STAG1: variants seen among roughly 807,000 people sequenced by gnomAD.
The protein encoded by STAG1 is cohesin subunit SA-1.
Under a neutral mutation model 170.9 loss-of-function variants are expected in STAG1, and 26 were observed. The ratio of observed to expected loss-of-function variants is 0.15; its 90% CI spans 0.11 to 0.21. The LOEUF (loss-of-function observed/expected upper bound fraction) is 0.21. Ranked by LOEUF, STAG1 falls within the 10% of genes least tolerant of loss-of-function variation. STAG1 has a pLI of 1.00. For missense variants in STAG1, 964 were observed against 1,509.5 expected, an observed-to-expected ratio of 0.64 and a Z score of 5.99; for synonymous variants, 514 against 497.7, an observed-to-expected ratio of 1.03 and a Z score of -0.44.
At chr3:136,486,344 A>C (rs1475712661) in intron 9 of STAG1, among the ~76,000 whole-genome samples, 1 of 152,216 alleles carries the variant, frequency 6.6e-6, no homozygotes, top group African/African-American at 2.4e-5. Context: ...ACTATTTAAA[A>C]TTTCCATCTC....
At chr3:136,343,713 G>A (rs986557934) in intron 30 of STAG1, 119 bp downstream of exon 30, 42 of 676,714 alleles carry the variant, frequency 6.2e-5, no homozygotes, top group Non-Finnish European at 7.6e-5. Flanking sequence ...TTTACCCTCC[G>A]TTTGTGGCTT....
chr3:136,388,949 C>CT (rs2086935865), intron 22 of STAG1, among the ~76,000 whole-genome samples: 1 of 152,032 alleles, frequency 6.6e-6, no homozygotes, highest in African/African-American at 2.4e-5. Context: ...TCTAAATATT[C>CT]TTTTTTTATA....
chr3:136,536,380 A>C (rs1935625628), intron 6 of STAG1, among the ~76,000 whole-genome samples: 1 of 152,158 alleles, frequency 6.6e-6, no homozygotes, highest in African/African-American at 2.4e-5. Flanking sequence ...TTACTGAGTA[A>C]TCTTTTCCCA....
intron 6 of STAG1, among the ~76,000 whole-genome samples, chr3:136,529,994 C>T (rs900277970): frequency 6.6e-6 from 1 of 152,100 alleles, no homozygotes; most frequent in East Asian, 1.9e-4. Context: ...ACAAGTAATG[C>T]ACTTTACCTG....
intron 1 of STAG1, among the ~76,000 whole-genome samples, chr3:136,647,922 A>G (rs1376326148): frequency 3.3e-5 from 5 of 152,256 alleles, no homozygotes; most frequent in Non-Finnish European, 7.3e-5. Context: ...AAAGTATTGT[A>G]TGATATTAAG....
Position 136,369,124 on chromosome 3 carries a change from C to T in STAG1, c.2529G>A (p.Glu843=), listed in dbSNP as rs1439784150. The T allele has an allele frequency of 2.6e-6, 4 of 1,554,146 alleles. No homozygotes were observed. The highest frequency in any genetic ancestry group is 3.5e-6 in the Non-Finnish European group (4 of 1,155,640). ...VMDHVFIDQD[E]ENQSMEGDEE... ...TACAAGTACCCATGCTCTGGTTCTCCTCGTCTTGGTCAATAAAAACGTGAT... is the reference window on the plus strand; with the variant it reads ...TACAAGTACCCATGCTCTGGTTCTCTTCGTCTTGGTCAATAAAAACGTGAT... The change falls in exon 24 of 34, where the codon GAG becomes GAA. Residue 843 remains glutamate (E), a synonymous_variant. Coordinates refer to ENST00000383202, the MANE Select transcript of STAG1 (RefSeq NM_005862.3).
At chr3:136,736,798 C>G in intron 1 of STAG1, 1 of 1,588,964 alleles carries the variant, frequency 6.3e-7, no homozygotes, top group East Asian at 2.2e-5. Flanking sequence ...CAGGATCATC[C>G]TCCTCTACAA....
chr3:136,523,077 G>T (rs1046388958), intron 6 of STAG1, among the ~76,000 whole-genome samples: 5 of 152,112 alleles, frequency 3.3e-5, no homozygotes, highest in African/African-American at 1.2e-4. Context: ...CCTTTGGATA[G>T]ATACCCAGTA....
At chr3:136,527,742 T>C (rs1310083340) in intron 6 of STAG1, among the ~76,000 whole-genome samples, 6 of 152,224 alleles carry the variant, frequency 3.9e-5, no homozygotes, top group Non-Finnish European at 1.5e-5. Context: ...TTTGATGATG[T>C]TGACATACAC....
chr3:136,391,526 G>A (rs1234172796), intron 22 of STAG1, among the ~76,000 whole-genome samples: 3 of 152,006 alleles, frequency 2.0e-5, no homozygotes, highest in Admixed American at 1.3e-4. Context: ...ACAGGCGCAC[G>A]CCACCATGCC....
chr3:136,374,723 A>G (rs1560068484), intron 23 of STAG1, among the ~76,000 whole-genome samples: 1 of 152,164 alleles, frequency 6.6e-6, no homozygotes, highest in Non-Finnish European at 1.5e-5. Flanking sequence ...TTTACAAAGA[A>G]AAAGAATTAT....
chr3:136,685,014 G>A (rs1942465624), intron 1 of STAG1, among the ~76,000 whole-genome samples: 1 of 151,950 alleles, frequency 6.6e-6, no homozygotes, highest in African/African-American at 2.4e-5. Flanking sequence ...GTTGGACTTC[G>A]TTAAAATTAA....
chr3:136,657,532 T>A (rs1053445241), intron 1 of STAG1, among the ~76,000 whole-genome samples: 1 of 152,072 alleles, frequency 6.6e-6, no homozygotes. Context: ...ATAAAAAGAC[T>A]GAAACGGGCC....
intron 9 of STAG1, chr3:136,499,753 A>G (rs1454264713): frequency 6.6e-6 from 1 of 152,196 alleles, no homozygotes; most frequent in Non-Finnish European, 1.5e-5. Flanking sequence ...GGAAACAAGA[A>G]TGAAGATACA....
chr3:136,339,423 T>G (rs1264911845), intron 32 of STAG1, among the ~76,000 whole-genome samples: 1 of 152,160 alleles, frequency 6.6e-6, no homozygotes, highest in Non-Finnish European at 1.5e-5. Flanking sequence ...TTTGGGAGGC[T>G]GAGGCAGGAG....
intron 22 of STAG1, among the ~76,000 whole-genome samples, chr3:136,392,502 C>T (rs182464639): frequency 8.5e-5 from 13 of 152,188 alleles, no homozygotes; most frequent in African/African-American, 3.1e-4. Flanking sequence ...CGCAGTGGCT[C>T]ATGGCTGTAA....
chr3:136,473,803 T>TAA lies in STAG1; in HGVS notation c.1027-168_1027-167dup, dbSNP rs72041162. Among the ~76,000 whole-genome samples the TAA allele has an allele frequency of 2.4e-3, 343 of 141,002 alleles. 1 individual carries two copies. The highest frequency in any genetic ancestry group is 8.8e-3 in the Admixed American group (122 of 13,942). 92.5% of individuals were successfully genotyped at this position (141,002 alleles called of 152,430 possible). A position where few individuals can be genotyped will look rare whatever the true frequency, so the allele number is the denominator to read the frequency against. On this transcript the variant is annotated intron_variant, in intron 10 of 33. Coordinates refer to ENST00000383202, the MANE Select transcript of STAG1 (RefSeq NM_005862.3). ...GTATAGTGTGTGTTGCCCTTATATG[T>TAA]AAAAAAAAAAAAAAATTCACTGAAA...
chr3:136,580,197 G>C (rs1576629170), intron 4 of STAG1, among the ~76,000 whole-genome samples: 1 of 151,934 alleles, frequency 6.6e-6, no homozygotes, highest in Non-Finnish European at 1.5e-5. Flanking sequence ...TTGATCTCTT[G>C]ACCTTGTGAT....
chr3:136,496,502 T>G (rs1220710580), intron 9 of STAG1, among the ~76,000 whole-genome samples: 1 of 152,138 alleles, frequency 6.6e-6, no homozygotes, highest in East Asian at 1.9e-4. Context: ...GAAAGGTATC[T>G]AGAAAATCCT....
Sources: gnomAD v4.1 joint callset for allele counts (sites outside exome capture counted in the v4.1 genomes callset) on GRCh38, gnomAD v4.1.1 for gene constraint, MANE v1.5 for transcripts, NCBI Gene and HGNC (gene_info 2026-07-23, HGNC 2026-07-21) for gene names.